The following LRMDA variants were observed in gnomAD, a reference collection of about 807,000 sequenced individuals.
The protein encoded by LRMDA is leucine rich melanocyte differentiation associated.
LRMDA carries 18 observed loss-of-function variants against 29.8 expected under a neutral mutation model. The observed-to-expected ratio is 0.60, with a 90% CI of 0.42 to 0.90. LRMDA has a LOEUF of 0.90. Among genes scored for constraint, LRMDA ranks in the 40% least tolerant of loss-of-function variants. The pLI, the probability that LRMDA is intolerant of heterozygous loss-of-function variation, is 0.00. For missense variants in LRMDA, 273 were observed against 273.9 expected, an observed-to-expected ratio of 1.00 and a Z score of 0.02; for synonymous variants, 125 against 109.4, an observed-to-expected ratio of 1.14 and a Z score of -0.89.
At chr10:76,462,649 G>C (rs931693204) in intron 6 of LRMDA, among the ~76,000 whole-genome samples, 1 of 152,146 alleles carries the variant, frequency 6.6e-6, no homozygotes, top group Non-Finnish European at 1.5e-5. Context: ...GTGCTGAGTG[G>C]TGTGTGGTCT....
chr10:75,679,731 C>T (rs1239451627), intron 2 of LRMDA, among the ~76,000 whole-genome samples: 3 of 152,126 alleles, frequency 2.0e-5, no homozygotes, highest in Non-Finnish European at 4.4e-5. Context: ...TCTGTTCTGT[C>T]ACCAGTCTCC....
chr10:76,462,296 A>G (rs1352335249), intron 6 of LRMDA, among the ~76,000 whole-genome samples: 1 of 152,174 alleles, frequency 6.6e-6, no homozygotes, highest in East Asian at 1.9e-4. Flanking sequence ...CTGGGAATTA[A>G]GACACCTGAC....
At chr10:76,436,245 G>A (rs561274576) in intron 6 of LRMDA, among the ~76,000 whole-genome samples, 1 of 152,306 alleles carries the variant, frequency 6.6e-6, no homozygotes, top group African/African-American at 2.4e-5. Flanking sequence ...AGGGACAAAT[G>A]TGGAGTATAT....
At chr10:76,317,927 A>G (rs1840720423) in intron 5 of LRMDA, among the ~76,000 whole-genome samples, 1 of 152,182 alleles carries the variant, frequency 6.6e-6, no homozygotes, top group East Asian at 1.9e-4. Context: ...AATTTTATGT[A>G]GTTAAAAACC....
At chr10:76,493,425 G>A (rs894036526) in intron 6 of LRMDA, among the ~76,000 whole-genome samples, 1 of 151,994 alleles carries the variant, frequency 6.6e-6, no homozygotes, top group East Asian at 1.9e-4. Flanking sequence ...GCTCAGGGTA[G>A]GTCCAGAAAT....
intron 5 of LRMDA, among the ~76,000 whole-genome samples, chr10:76,261,540 A>G (rs966144589): frequency 2.6e-5 from 4 of 152,162 alleles, no homozygotes; most frequent in African/African-American, 9.7e-5. Flanking sequence ...AATGCTGGGC[A>G]TGCAAAAATA....
chr10:76,084,364 A>ATTTTTTTTTTT (rs71024586), intron 5 of LRMDA, among the ~76,000 whole-genome samples: 2 of 70,904 alleles, frequency 2.8e-5, no homozygotes, highest in Non-Finnish European at 5.2e-5. Context: ...CGCCCAGCTA[A>ATTTTTTTTTTT]TTTTTTTTTT....
At chr10:75,816,056 C>T (rs1349871129) in intron 2 of LRMDA, among the ~76,000 whole-genome samples, 1 of 152,188 alleles carries the variant, frequency 6.6e-6, no homozygotes, top group East Asian at 1.9e-4. Flanking sequence ...TGATTTGCTG[C>T]AGCTATGATC....
intron 6 of LRMDA, among the ~76,000 whole-genome samples, chr10:76,521,266 T>A (rs1843117753): frequency 6.6e-6 from 1 of 152,022 alleles, no homozygotes; most frequent in African/African-American, 2.4e-5. Context: ...CCAGAGTAGC[T>A]GGGACTACAG....
chr10:76,519,775 T>C (rs1269219960), intron 6 of LRMDA, among the ~76,000 whole-genome samples: 1 of 152,198 alleles, frequency 6.6e-6, no homozygotes, highest in African/African-American at 2.4e-5. Flanking sequence ...TCAATGAGTT[T>C]ATTGACTATT....
At chr10:75,833,837 AT>A (rs1284451201) in intron 2 of LRMDA, among the ~76,000 whole-genome samples, 1 of 152,160 alleles carries the variant, frequency 6.6e-6, no homozygotes, top group African/African-American at 2.4e-5. Flanking sequence ...TAGACATTCC[AT>A]TTTAAAAGGG....
intron 2 of LRMDA, among the ~76,000 whole-genome samples, chr10:76,027,915 CTTTA>C (rs1431894145): frequency 2.0e-5 from 3 of 152,020 alleles, no homozygotes; most frequent in African/African-American, 7.2e-5. Context: ...ATATATTGAG[CTTTA>C]TTTAATCATT....
intron 2 of LRMDA, among the ~76,000 whole-genome samples, chr10:75,741,685 C>T (rs1309441462): frequency 6.6e-6 from 1 of 152,196 alleles, no homozygotes; most frequent in Admixed American, 6.5e-5. Flanking sequence ...TCCTTATCTT[C>T]GTTTTGGTGT....
At chr10:76,300,812 A>G (rs1372769467) in intron 5 of LRMDA, among the ~76,000 whole-genome samples, 1 of 152,234 alleles carries the variant, frequency 6.6e-6, no homozygotes, top group Admixed American at 6.5e-5. Context: ...TAGAATCAGA[A>G]TGGAATTCTG....
intron 6 of LRMDA, among the ~76,000 whole-genome samples, chr10:76,417,600 T>C (rs1279506368): frequency 6.6e-6 from 1 of 152,226 alleles, no homozygotes; most frequent in East Asian, 1.9e-4. Context: ...TTAGTTTTGA[T>C]TACTTTTAAA....
In LRMDA at chr10:75,850,139, A is replaced by G. The variant is rs201371698; in HGVS notation, c.132-185869A>G. On this transcript the variant is annotated intron_variant, in intron 2 of 6. Coordinates refer to ENST00000611255, the MANE Select transcript of LRMDA (RefSeq NM_001305581.2). ...CCAGTTTAATAAGACTGTATTTATT[A>G]TATGAGCACCTTGATGGTCTGGCAT... Among the ~76,000 whole-genome samples the G allele has an allele frequency of 4.6e-5, 7 of 152,370 alleles. No individual in the cohort carries two copies. The East Asian group carries it at 1.3e-3, about 29-fold the overall frequency.
chr10:75,577,668 T>C lies in LRMDA; in HGVS notation c.131+139174T>C, dbSNP rs568096252. Among the ~76,000 whole-genome samples the C allele has an allele frequency of 3.9e-4, 59 of 152,260 alleles. No individual in the cohort carries two copies. In the South Asian group the frequency reaches 9.0e-3, roughly 23 times the overall value. ...GTCGGGTTACCCACAAAGGGAAGCCTATCACACTAACAGCAGATCTCTCAG... is the reference window on the plus strand; with the variant it reads ...GTCGGGTTACCCACAAAGGGAAGCCCATCACACTAACAGCAGATCTCTCAG... On this transcript the variant is annotated intron_variant, in intron 2 of 6. Coordinates refer to ENST00000611255, the MANE Select transcript of LRMDA (RefSeq NM_001305581.2).
At chr10:76,539,630 C>T (rs1258870098) in intron 6 of LRMDA, among the ~76,000 whole-genome samples, 1 of 152,108 alleles carries the variant, frequency 6.6e-6, no homozygotes, top group Admixed American at 6.6e-5. Context: ...AGCTGGGCCA[C>T]TCATCTCAAG....
intron 2 of LRMDA, among the ~76,000 whole-genome samples, chr10:75,672,960 CTT>C (rs11325038): frequency 1.3e-4 from 19 of 141,954 alleles, no homozygotes; most frequent in African/African-American, 1.8e-4. Flanking sequence ...AACTGTTTGC[CTT>C]TTTTTTTTTT....
Sources: gnomAD v4.1 joint callset for allele counts (sites outside exome capture counted in the v4.1 genomes callset) on GRCh38, gnomAD v4.1.1 for gene constraint, MANE v1.5 for transcripts, NCBI Gene and HGNC (gene_info 2026-07-23, HGNC 2026-07-21) for gene names.